Variants in GABRR3 observed in about 807,000 individuals in gnomAD.
GABRR3 encodes the protein gamma-aminobutyric acid receptor subunit rho-3.
In GABRR3, 29 loss-of-function variants were observed where a neutral mutation model predicts 43.2. The observed-to-expected ratio is 0.67, with a 90% confidence interval of 0.50 to 0.92. The LOEUF (loss-of-function observed/expected upper bound fraction) is 0.92. Ranked by LOEUF, GABRR3 falls within the 40% of genes least tolerant of loss-of-function variation. The pLI, the probability that GABRR3 is intolerant of heterozygous loss-of-function variation, is 0.00. For synonymous variants in GABRR3, 206 were observed against 195.9 expected, an observed-to-expected ratio of 1.05 and a Z score of -0.43; for missense variants, 576 against 572.3, an observed-to-expected ratio of 1.01 and a Z score of -0.07.
chr3:97,996,006 T>G (rs2107228732), intron 8 of GABRR3, among the ~76,000 whole-genome samples: 1 of 152,328 alleles, frequency 6.6e-6, no homozygotes, highest in East Asian at 1.9e-4. Flanking sequence ...ACATATTAAC[T>G]TTTTAAAGAT....
chr3:98,030,343 G>A (rs1270234703), intron 2 of GABRR3, among the ~76,000 whole-genome samples: 1 of 151,978 alleles, frequency 6.6e-6, no homozygotes, highest in Non-Finnish European at 1.5e-5. Flanking sequence ...GAAAATAAAT[G>A]TTCAGAAACA....
At chr3:98,006,489 AACTTCT>A (rs1369523382) in intron 7 of GABRR3, among the ~76,000 whole-genome samples, 1 of 152,210 alleles carries the variant, frequency 6.6e-6, no homozygotes, top group Non-Finnish European at 1.5e-5. Context: ...CTGCAATGTC[AACTTCT>A]ACTTCTCTCT....
rs564327693 is a variant in GABRR3 at position 97,993,151 on chromosome 3, T to C, written c.908-103A>G. On this transcript the variant is annotated intron_variant, in intron 8 of 9. Transcript: ENST00000621172. The stretch of plus-strand genomic sequence containing the variant: ...ATGCATTTCTAGAACAATATCAACC[T>C]GGTGATCCAAGAGGAGGGAAGGTGT... 2.6e-5 allele frequency: 24 copies of C among 917,638 alleles called. No homozygotes were observed. In the East Asian group the frequency reaches 6.4e-4, roughly 24 times the overall value. 56.8% of individuals were successfully genotyped at this position (917,638 alleles called of 1,614,324 possible).
At chr3:98,018,011 T>C (rs1706893977) in intron 3 of GABRR3, among the ~76,000 whole-genome samples, 1 of 151,982 alleles carries the variant, frequency 6.6e-6, no homozygotes, top group East Asian at 1.9e-4. Context: ...TTTCTTTTTT[T>C]TTTTTTTTTA....
chr3:98,012,359 A>T (rs1213935601), exon 5 of GABRR3: 1 of 1,613,696 alleles, frequency 6.2e-7, no homozygotes, highest in Non-Finnish European at 8.5e-7. Context: ...ACTTAGGAGG[A>T]CGTTTCCATC....
chr3:97,998,120 A>G (rs891071941), intron 8 of GABRR3: 1 of 152,110 alleles, frequency 6.6e-6, no homozygotes, highest in Non-Finnish European at 1.5e-5. Flanking sequence ...CAAAAAGAAA[A>G]TTTCATATAT....
At chr3:98,002,083 G>A (rs1259541656) in intron 7 of GABRR3, among the ~76,000 whole-genome samples, 5 of 152,048 alleles carry the variant, frequency 3.3e-5, no homozygotes, top group African/African-American at 1.2e-4. Context: ...TTCTGCAAGA[G>A]GGAAAGTCTT....
At chr3:98,013,126 G>C (rs1308055629) in intron 4 of GABRR3, among the ~76,000 whole-genome samples, 1 of 152,184 alleles carries the variant, frequency 6.6e-6, no homozygotes, top group Non-Finnish European at 1.5e-5. Context: ...TCCTCAGCTT[G>C]AGAGATAGAA....
intron 3 of GABRR3, among the ~76,000 whole-genome samples, chr3:98,021,502 T>C (rs1324123195): frequency 6.6e-6 from 1 of 152,180 alleles, no homozygotes; most frequent in African/African-American, 2.4e-5. Flanking sequence ...GTACCTACTT[T>C]TTGGGTTGCT....
chr3:98,024,887 T>G (rs1706992407), intron 3 of GABRR3, among the ~76,000 whole-genome samples: 1 of 152,356 alleles, frequency 6.6e-6, no homozygotes, highest in East Asian at 1.9e-4. Flanking sequence ...GAAGAAAGTC[T>G]TTGTTCCAAT....
intron 4 of GABRR3, among the ~76,000 whole-genome samples, chr3:98,014,530 G>A (rs1373761977): frequency 6.6e-6 from 1 of 152,190 alleles, no homozygotes. Flanking sequence ...TGAGTAGCGA[G>A]TCCTATTAGT....
At chr3:97,985,329 T>C (rs1275954043), downstream of GABRR3, among the ~76,000 whole-genome samples, 1 of 152,230 alleles carries the variant, frequency 6.6e-6, no homozygotes, top group African/African-American at 2.4e-5. Flanking sequence ...GTTTACTTGG[T>C]TCGACCAAAG....
intron 2 of GABRR3, among the ~76,000 whole-genome samples, chr3:98,030,015 C>T (rs887550655): frequency 1.3e-5 from 2 of 150,950 alleles, no homozygotes; most frequent in African/African-American, 2.4e-5. Flanking sequence ...CTCAGGAGGC[C>T]GAGGCAGGAG....
chr3:98,007,993 C>A, intron 6 of GABRR3, 89 bp from the exon 7 acceptor site: 1 of 1,043,242 alleles, frequency 9.6e-7, no homozygotes, highest in South Asian at 1.7e-5. Context: ...GGCTCTGTAT[C>A]CTTAGTGCCT....
At chr3:97,986,320 G>T (rs1233430260), downstream of GABRR3, among the ~76,000 whole-genome samples, 1 of 152,158 alleles carries the variant, frequency 6.6e-6, no homozygotes, top group East Asian at 1.9e-4. Context: ...CAGGCACTTG[G>T]CTGGCACTAA....
At chr3:97,990,193 C>T (rs183779164) in intron 9 of GABRR3, among the ~76,000 whole-genome samples, 80 of 152,252 alleles carry the variant, frequency 5.3e-4, no homozygotes, top group Non-Finnish European at 6.3e-4. Flanking sequence ...AAAGTTTTTA[C>T]GCCCTTTTAC....
chr3:98,006,208 T>A (rs1706723716), intron 7 of GABRR3, among the ~76,000 whole-genome samples: 1 of 152,196 alleles, frequency 6.6e-6, no homozygotes, highest in Non-Finnish European at 1.5e-5. Context: ...CCTTTAAATT[T>A]TTCTGAGGTC....
At chr3:97,992,874 T>C (rs1271314248) in exon 9 of GABRR3, 10 of 1,610,546 alleles carry the variant, frequency 6.2e-6, no homozygotes, top group Non-Finnish European at 5.1e-6. Context: ...CTTGAATTGT[T>C]TCCGCTCTTC....
rs1018699531 is a variant in GABRR3, at chr3:97,987,944, A to AT, written c.1105-963dup. ...AGACACACATCACTACACTAGGCTA[A>AT]TTTTTTTTTTCACTCATTCTCTTTT... On this transcript the variant is annotated intron_variant, in intron 9 of 9. Coordinates refer to ENST00000621172, the Ensembl canonical transcript of GABRR3. Among the ~76,000 whole-genome samples, 25 of 149,648 alleles carry AT rather than the reference A, an allele frequency of 1.7e-4. 1 individual carries two copies. In the South Asian group the frequency reaches 2.6e-3, roughly 15 times the overall value.
Sources: gnomAD v4.1 joint callset for allele counts (sites outside exome capture counted in the v4.1 genomes callset) on GRCh38, gnomAD v4.1.1 for gene constraint, MANE v1.5 for transcripts, NCBI Gene and HGNC (gene_info 2026-07-23, HGNC 2026-07-21) for gene names.